CDH8: variants seen among roughly 807,000 people sequenced by gnomAD.
CDH8 encodes cadherin-8.
In CDH8, 17 loss-of-function variants were observed where a neutral mutation model predicts 68.1. The ratio of observed to expected loss-of-function variants is 0.25; its 90% CI spans 0.17 to 0.37. The LOEUF (loss-of-function observed/expected upper bound fraction) is 0.37. Ranked by LOEUF, CDH8 falls within the 10% of genes least tolerant of loss-of-function variation. CDH8 has a pLI of 1.00. For synonymous variants in CDH8, 372 were observed against 365.1 expected, an observed-to-expected ratio of 1.02 and a Z score of -0.21; for missense variants, 763 against 999.3, an observed-to-expected ratio of 0.76 and a Z score of 3.19.
At chr16:61,753,700 AT>A (rs1351190203) in intron 8 of CDH8, among the ~76,000 whole-genome samples, 3 of 152,036 alleles carry the variant, frequency 2.0e-5, no homozygotes, top group Non-Finnish European at 4.4e-5. Context: ...GATAGTTTGG[AT>A]TTTTTAATTA....
At chr16:61,674,209 C>T (rs1490117043) in intron 10 of CDH8, among the ~76,000 whole-genome samples, 5 of 152,056 alleles carry the variant, frequency 3.3e-5, no homozygotes, top group Non-Finnish European at 7.4e-5. Context: ...AAATAAGCCT[C>T]TTTGGGAGGC....
chr16:61,874,097 G>T (rs1963418656), intron 3 of CDH8, among the ~76,000 whole-genome samples: 2 of 152,090 alleles, frequency 1.3e-5, no homozygotes, highest in African/African-American at 2.4e-5. Flanking sequence ...GTCCTGTGGT[G>T]CCAGATGATT....
intron 8 of CDH8, among the ~76,000 whole-genome samples, chr16:61,740,223 C>G (rs1445390020): frequency 2.0e-5 from 3 of 151,764 alleles, no homozygotes; most frequent in African/African-American, 7.3e-5. Context: ...ATTTTTAATG[C>G]TGATCACTCT....
intron 2 of CDH8, among the ~76,000 whole-genome samples, chr16:61,951,734 CTTTT>C (rs1964901790): frequency 6.6e-6 from 1 of 152,100 alleles, no homozygotes; most frequent in Non-Finnish European, 1.5e-5. Flanking sequence ...ACCTACAGCA[CTTTT>C]ATAGGATGTT....
intron 8 of CDH8, among the ~76,000 whole-genome samples, chr16:61,767,037 G>C: frequency 6.6e-6 from 1 of 151,890 alleles, no homozygotes; most frequent in Admixed American, 6.6e-5. Context: ...CAGACATCTT[G>C]CTCTCTTGAA....
chr16:61,985,477 G>C (rs1479770648), intron 2 of CDH8, among the ~76,000 whole-genome samples: 1 of 152,144 alleles, frequency 6.6e-6, no homozygotes, highest in Non-Finnish European at 1.5e-5. Flanking sequence ...CTTTAATGCA[G>C]AACCATCAAA....
rs1006361036 is a variant in CDH8, at chr16:61,728,766, A to T, written c.1415-1551T>A. ...AGCTAAATAGCAGTTCTTGGAAAGT[A>T]AAAAGGAGCATAGCATTTTGTGCTA... On this transcript the variant is annotated intron_variant, in intron 8 of 11. Transcript: ENST00000577390. Among the ~76,000 whole-genome samples, 12 of 151,136 alleles carry T rather than the reference A, an allele frequency of 7.9e-5. No individual in the cohort carries two copies. In the Admixed American group the frequency reaches 7.9e-4, roughly 10 times the overall value.
chr16:61,833,118 T>C (rs1239565043), intron 4 of CDH8, among the ~76,000 whole-genome samples: 1 of 151,636 alleles, frequency 6.6e-6, no homozygotes, highest in Non-Finnish European at 1.5e-5. Flanking sequence ...TTAATTGCAA[T>C]CAAGAGTTTA....
At chr16:61,730,872 T>G (rs1277171970) in intron 8 of CDH8, among the ~76,000 whole-genome samples, 3 of 151,658 alleles carry the variant, frequency 2.0e-5, no homozygotes, top group Non-Finnish European at 3.0e-5. Context: ...GTTTGTTTGT[T>G]TTCCTTGTTG....
intron 8 of CDH8, among the ~76,000 whole-genome samples, chr16:61,744,431 T>C (rs1386760442): frequency 6.6e-6 from 1 of 152,074 alleles, no homozygotes. Flanking sequence ...TGTAGTCAGA[T>C]CTTGTTTCAA....
chr16:61,684,920 C>T (rs1043345302), intron 10 of CDH8, among the ~76,000 whole-genome samples: 4 of 151,920 alleles, frequency 2.6e-5, no homozygotes, highest in Admixed American at 1.3e-4. Flanking sequence ...ACTCTTGGCT[C>T]CAGTAATTCT....
chr16:61,876,165 G>A (rs554416926), intron 3 of CDH8, among the ~76,000 whole-genome samples: 35 of 152,278 alleles, frequency 2.3e-4, no homozygotes, highest in African/African-American at 7.9e-4. Context: ...GTGAGCCACT[G>A]TGCCCGGCCA....
chr16:62,027,534 T>C (rs1440278442), intron 1 of CDH8, among the ~76,000 whole-genome samples: 1 of 152,180 alleles, frequency 6.6e-6, no homozygotes. Flanking sequence ...AGCCACAATA[T>C]TTCATGAAAG....
At chr16:61,732,804 T>G (rs1050442695) in intron 8 of CDH8, among the ~76,000 whole-genome samples, 8 of 151,880 alleles carry the variant, frequency 5.3e-5, no homozygotes, top group Admixed American at 1.3e-4. Context: ...TCTATTTATA[T>G]TATCGTATAT....
chr16:61,755,431 T>C (rs1960286372), intron 8 of CDH8, among the ~76,000 whole-genome samples: 1 of 152,158 alleles, frequency 6.6e-6, no homozygotes, highest in South Asian at 2.1e-4. Context: ...TATTGGCGTG[T>C]GTAGTGTGTA....
chr16:61,690,821 T>C (rs1964206593), intron 10 of CDH8, among the ~76,000 whole-genome samples: 1 of 152,064 alleles, frequency 6.6e-6, no homozygotes, highest in Admixed American at 6.6e-5. Flanking sequence ...GTATAGTTAA[T>C]CATACGTGGG....
At chr16:61,752,237 G>A (rs1960186662) in intron 8 of CDH8, among the ~76,000 whole-genome samples, 1 of 152,126 alleles carries the variant, frequency 6.6e-6, no homozygotes. Flanking sequence ...AATAGCAAGG[G>A]ATGCATATTC....
chr16:61,789,773 T>G (rs557999915), intron 7 of CDH8, among the ~76,000 whole-genome samples: 58 of 152,204 alleles, frequency 3.8e-4, no homozygotes, highest in African/African-American at 1.2e-3. Flanking sequence ...AATTGGACAA[T>G]CCATCACATT....
intron 6 of CDH8, among the ~76,000 whole-genome samples, chr16:61,820,322 T>G (rs1183180936): frequency 6.8e-6 from 1 of 147,344 alleles, no homozygotes; most frequent in Non-Finnish European, 1.5e-5. Flanking sequence ...TGGTTTTTTT[T>G]TTTTTTTTTT....
Sources: allele counts gnomAD v4.1 joint callset (sites outside exome capture counted in the v4.1 genomes callset), GRCh38; gene constraint gnomAD v4.1.1; transcripts MANE v1.5; gene names NCBI Gene and HGNC (gene_info 2026-07-23, HGNC 2026-07-21).